COL4A2: variants seen among roughly 807,000 people sequenced by gnomAD.
COL4A2 encodes collagen type IV alpha 2 chain.
COL4A2 carries 99 observed loss-of-function variants against 200.2 expected under a neutral mutation model. The observed-to-expected ratio is 0.49, with a 90% CI of 0.42 to 0.58. The LOEUF (loss-of-function observed/expected upper bound fraction) is 0.58, where lower values mean the gene tolerates loss of function less well. COL4A2 is among the 20% of genes least tolerant of loss of function. The pLI is 0.00. For synonymous variants in COL4A2, 897 were observed against 900.6 expected (o/e 1.00, Z 0.07); for missense variants, 1,950 against 2,314.1 (o/e 0.84, Z 3.23).
chr13:110,501,886 T>C, intron 41 of COL4A2, 102 bp downstream of exon 41: 1 of 1,172,906 alleles, frequency 8.5e-7, no homozygotes. Context: ...TTCCACGCTG[T>C]GCCCAGACTC....
chr13:110,489,760 G>A lies in COL4A2; in HGVS notation c.3321G>A (p.Gly1107=). ...INLPGRPGLK[G]ERGTTGIPGL... The stretch of plus-strand genomic sequence containing the variant: ...TACCAGGAAGACCAGGCCTGAAGGG[G>A]GAGCGGGGCACCACTGGAATACCAG... Residue 1107 remains glycine, a synonymous_variant, in exon 36 of 48, where the codon GGG becomes GGA. Coordinates refer to ENST00000360467, the MANE Select transcript of COL4A2 (RefSeq NM_001846.4). The A allele has an allele frequency of 6.2e-7, 1 of 1,612,942 alleles. No homozygotes were observed. Among genetic ancestry groups the A allele is most frequent in the South Asian group, 1.1e-5 (1 of 90,632 alleles).
At chr13:110,362,725 CAG>C (rs1286066567) in intron 4 of COL4A2, among the ~76,000 whole-genome samples, 1 of 152,170 alleles carries the variant, frequency 6.6e-6, no homozygotes, top group Admixed American at 6.5e-5. Context: ...GAATTTCTGT[CAG>C]AGTTATCAGC....
chr13:110,331,185 G>C (rs892893992), intron 3 of COL4A2, among the ~76,000 whole-genome samples: 1 of 152,118 alleles, frequency 6.6e-6, no homozygotes, highest in Non-Finnish European at 1.5e-5. Context: ...ATAAAATCGT[G>C]TGATAGTGCC....
intron 10 of COL4A2, 54 bp from the exon 11 acceptor site, chr13:110,432,271 A>G (rs1880710317): frequency 5.1e-6 from 8 of 1,566,402 alleles, no homozygotes; most frequent in Non-Finnish European, 6.9e-6. Context: ...ACCAGATGTT[A>G]TCTGGGTCCT....
chr13:110,436,288 G>A lies in COL4A2; in HGVS notation c.746G>A (p.Gly249Glu). 1 of 1,613,814 alleles carries A rather than the reference G, an allele frequency of 6.2e-7. No individual in the cohort carries two copies. ...KGEKGDVGQP[G>E]PNGIPSDTLH... The stretch of plus-strand genomic sequence containing the variant: ...ATGCAGGGTGACGTAGGGCAGCCGG[G>A]ACCCAACGGGATTCCATCAGACACC... Residue 249 changes from glycine to glutamate, a missense_variant, in exon 13 of 48, where the codon GGA (glycine) becomes GAA (glutamate). Gly to Glu is a moderately conservative substitution (Grantham distance 98). Transcript: ENST00000360467.
intron 4 of COL4A2, among the ~76,000 whole-genome samples, chr13:110,412,063 A>G (rs1395579720): frequency 2.0e-5 from 3 of 151,956 alleles, no homozygotes; most frequent in Non-Finnish European, 4.4e-5. Context: ...AACCTGAAAC[A>G]CTCTCTTGTG....
At chr13:110,365,307 A>G (rs977741611) in intron 4 of COL4A2, among the ~76,000 whole-genome samples, 1 of 151,826 alleles carries the variant, frequency 6.6e-6, no homozygotes, top group Non-Finnish European at 1.5e-5. Flanking sequence ...ACACCCTGCT[A>G]ATTTTGTATT....
chr13:110,387,195 C>T (rs1594185006), intron 4 of COL4A2, among the ~76,000 whole-genome samples: 1 of 152,224 alleles, frequency 6.6e-6, no homozygotes, highest in East Asian at 1.9e-4. Flanking sequence ...GCCGAAATCG[C>T]ACCACTGCAC....
chr13:110,435,511 C>G (rs1255814323), intron 12 of COL4A2, among the ~76,000 whole-genome samples: 1 of 152,238 alleles, frequency 6.6e-6, no homozygotes, highest in East Asian at 1.9e-4. Flanking sequence ...AGTGGACACT[C>G]AGCGTACACT....
At chr13:110,474,816 T>C (rs11616552) in intron 29 of COL4A2, among the ~76,000 whole-genome samples, 39,478 of 98,952 alleles carry the variant, frequency 0.4, 8,254 homozygotes, top group Middle Eastern at 0.53. Flanking sequence ...TGATCACACA[T>C]GCACGTACCC....
At chr13:110,432,424 G>A in intron 11 of COL4A2, 64 bp downstream of exon 11, 1 of 1,524,410 alleles carries the variant, frequency 6.6e-7, no homozygotes, top group Non-Finnish European at 8.8e-7. Context: ...GGGTTTGTTT[G>A]TTTTTTACCA....
Position 110,382,900 on chromosome 13 carries a change from G to A in COL4A2, c.180+25348G>A, listed in dbSNP as rs115134508. Among the ~76,000 whole-genome samples, 1,336 of 152,308 alleles carry A rather than the reference G, an allele frequency of 8.8e-3. 17 individuals are homozygous for A. Among genetic ancestry groups the A allele is most frequent in the African/African-American group, 0.03 (1,237 of 41,564 alleles). The stretch of plus-strand genomic sequence containing the variant: ...TTTAAAGATTTTTACTCAGCTTAGT[G>A]GTAATAGATTTCTGTTTATATTAAC... On this transcript the variant is annotated intron_variant, in intron 4 of 47. Coordinates refer to ENST00000360467, the MANE Select transcript of COL4A2 (RefSeq NM_001846.4).
In COL4A2 at chr13:110,495,481, T is replaced by C. The variant is rs751955331; in HGVS notation, c.3760+14T>C. Reference sequence around the variant, plus strand: ...AAGGAGCTCCAGGTGAGGCCACACATTCCAAGCCAACATTGCCGTCCCAGT... The same window carrying C: ...AAGGAGCTCCAGGTGAGGCCACACACTCCAAGCCAACATTGCCGTCCCAGT... On this transcript the variant is annotated intron_variant, in intron 40 of 47. Transcript: ENST00000360467. 2 of 1,608,734 alleles carry C rather than the reference T, an allele frequency of 1.2e-6. No homozygotes were observed. The highest frequency in any genetic ancestry group is 1.7e-6 in the Non-Finnish European group (2 of 1,178,020).
At chr13:110,309,263 T>C (rs949356455) in intron 3 of COL4A2, among the ~76,000 whole-genome samples, 3 of 152,200 alleles carry the variant, frequency 2.0e-5, no homozygotes. Flanking sequence ...AAAGCTCGGT[T>C]TGGGAAGTAA....
intron 11 of COL4A2, among the ~76,000 whole-genome samples, chr13:110,433,101 A>AGCCCAAACGTT (rs1880741868): frequency 1.3e-5 from 2 of 152,250 alleles, no homozygotes; most frequent in Admixed American, 6.5e-5. Context: ...GGACGTGCCA[A>AGCCCAAACGTT]GCCCACACGT....
Position 110,416,985 on chromosome 13 carries a change from CT to C in COL4A2, c.181-7735del, listed in dbSNP as rs72026998. Reference sequence around the variant, plus strand: ...CAGATTATTTCCCTGGCAGACTTTTCTTTTTTTTTTTTTTGAGACAGAGTCT... The same window carrying C: ...CAGATTATTTCCCTGGCAGACTTTTCTTTTTTTTTTTTTGAGACAGAGTCT... On this transcript the variant is annotated intron_variant, in intron 4 of 47. Coordinates refer to ENST00000360467, the MANE Select transcript of COL4A2 (RefSeq NM_001846.4). 6.5e-3 allele frequency among the ~76,000 whole-genome samples: 925 copies of C among 143,286 alleles called. 1 individual carries two copies. The highest frequency in any genetic ancestry group is 9.3e-3 in the Non-Finnish European group (605 of 64,988). The allele number at this position is 143,286 out of a possible 152,430, so 94.0% of individuals were successfully genotyped here.
In COL4A2 at chr13:110,307,990, G is replaced by T; in HGVS notation, c.44+43G>T. 6.2e-7 allele frequency: 1 copy of T among 1,611,900 alleles called. No individual in the cohort carries two copies. Among genetic ancestry groups the T allele is most frequent in the East Asian group, 2.2e-5 (1 of 44,816 alleles). On this transcript the variant is annotated intron_variant, in intron 2 of 47. Coordinates refer to ENST00000360467, the MANE Select transcript of COL4A2 (RefSeq NM_001846.4). This position sits in a 1 kb window ranked among gnomAD's most constrained non-coding sequence, Gnocchi z 5.0. ...TGGTCCCCGTGGGTCACGCGCGCATGGACCCTTCGGTGTAACTCTCGGGGA... is the reference window on the plus strand; with the variant it reads ...TGGTCCCCGTGGGTCACGCGCGCATTGACCCTTCGGTGTAACTCTCGGGGA...
chr13:110,510,541 T>C (rs1884048526), intron 47 of COL4A2, among the ~76,000 whole-genome samples: 1 of 152,128 alleles, frequency 6.6e-6, no homozygotes, highest in Admixed American at 6.5e-5. Flanking sequence ...GAGAAGCACA[T>C]TGGAAAGGGT....
At chr13:110,502,345 G>C (rs1883674481) in intron 41 of COL4A2, among the ~76,000 whole-genome samples, 1 of 152,048 alleles carries the variant, frequency 6.6e-6, no homozygotes, top group Admixed American at 6.5e-5. Context: ...TTTGTTTTTT[G>C]AGACAGCCTT....
Sources: gnomAD v4.1 joint callset for allele counts (sites outside exome capture counted in the v4.1 genomes callset) on GRCh38, gnomAD v4.1.1 for gene constraint, Gnocchi (gnomAD v3.1) non-coding constraint, MANE v1.5 for transcripts, NCBI Gene and HGNC (gene_info 2026-07-23, HGNC 2026-07-21) for gene names.